KCNC4: variants seen among roughly 807,000 people sequenced by gnomAD.
KCNC4 encodes the protein voltage-gated potassium channel KCNC4.
Under a neutral mutation model 42.8 loss-of-function variants are expected in KCNC4, and 23 were observed. The ratio of observed to expected loss-of-function variants is 0.54; its 90% CI spans 0.39 to 0.76. KCNC4 has a LOEUF of 0.76. KCNC4 is among the 30% of genes least tolerant of loss of function. KCNC4 has a pLI of 0.00. For missense variants in KCNC4, 751 were observed against 898.2 expected (o/e 0.84, Z 2.10); for synonymous variants, 422 against 393.5 (o/e 1.07, Z -0.86).
intron 1 of KCNC4, among the ~76,000 whole-genome samples, chr1:110,275,954 C>CAAAAAAAAAA (rs61372696): frequency 9.4e-6 from 1 of 106,236 alleles, no homozygotes; most frequent in Admixed American, 1.0e-4. Context: ...GACTCCGCCT[C>CAAAAAAAAAA]AAAAAAAAAA....
At chr1:110,265,407 TA>T (rs1159500181) in intron 1 of KCNC4, among the ~76,000 whole-genome samples, 1 of 96,776 alleles carries the variant, frequency 1.0e-5, no homozygotes, top group East Asian at 2.7e-4. Flanking sequence ...TAAAATAAAA[TA>T]AAATAAAATA....
intron 1 of KCNC4, among the ~76,000 whole-genome samples, chr1:110,213,211 G>A (rs866139092): frequency 7.0e-6 from 1 of 143,064 alleles, no homozygotes; most frequent in South Asian, 2.2e-4. Flanking sequence ...CTGAAGGATG[G>A]CTTTAGATTC....
chr1:110,264,908 C>T (rs1659511161), intron 1 of KCNC4, among the ~76,000 whole-genome samples: 1 of 151,956 alleles, frequency 6.6e-6, no homozygotes. Context: ...ACGGTGAAAC[C>T]CCATCTCTAC....
chr1:110,237,638 C>A (rs560423712), downstream of KCNC4: 6 of 152,374 alleles, frequency 3.9e-5, no homozygotes, highest in Admixed American at 3.9e-4. Flanking sequence ...CTAAGACTTT[C>A]TGACTCACGT....
intron 1 of KCNC4, among the ~76,000 whole-genome samples, chr1:110,267,455 G>A (rs554458914): frequency 1.2e-4 from 18 of 152,102 alleles, no homozygotes; most frequent in Admixed American, 1.0e-3. Flanking sequence ...TCTGGAATCC[G>A]TACATTCCAG....
chr1:110,226,275 C>A (rs554169643), intron 3 of KCNC4, 97 bp downstream of exon 3: 3 of 1,002,432 alleles, frequency 3.0e-6, no homozygotes, highest in Non-Finnish European at 4.7e-6. Flanking sequence ...CCCCTGAGAC[C>A]GTGGCCGCCA....
At chr1:110,268,690 G>A (rs1051313059) in intron 1 of KCNC4, among the ~76,000 whole-genome samples, 9 of 149,170 alleles carry the variant, frequency 6.0e-5, no homozygotes, top group Non-Finnish European at 1.0e-4. Context: ...GGCTTGAGAA[G>A]TTTCTCCCGT....
chr1:110,223,252 C>T lies in KCNC4; in HGVS notation c.967C>T (p.Leu323=). The T allele has an allele frequency of 2.5e-6, 4 of 1,614,226 alleles. 1 individual carries two copies. In the South Asian group the frequency reaches 4.4e-5, roughly 18 times the overall value. ...LLNIIDFVAI[L]PFYLEVGLSG... ...CAACATCATCGACTTTGTGGCCATC[C>T]TGCCCTTCTACCTGGAGGTGGGGCT... The change falls in exon 2 of 4, where the codon CTG becomes TTG. Residue 323 remains leucine (L), a synonymous_variant. Transcript: ENST00000438661. The surrounding 1 kb of genome is among the most constrained non-coding windows in gnomAD (Gnocchi z 7.5).
chr1:110,266,144 TAGG>T (rs1191946277), intron 1 of KCNC4, among the ~76,000 whole-genome samples: 1 of 151,976 alleles, frequency 6.6e-6, no homozygotes. Flanking sequence ...GCTCTGGAAA[TAGG>T]GGGAGAAATA....
intron 1 of KCNC4, among the ~76,000 whole-genome samples, chr1:110,218,730 G>A (rs1260894375): frequency 1.3e-5 from 2 of 152,172 alleles, no homozygotes; most frequent in South Asian, 2.1e-4. Context: ...GCAGTCAGTA[G>A]CAGAGCCCAA....
chr1:110,217,183 A>G (rs1657844145), intron 1 of KCNC4, among the ~76,000 whole-genome samples: 1 of 152,118 alleles, frequency 6.6e-6, no homozygotes, highest in African/African-American at 2.4e-5. Flanking sequence ...GTAATACAAG[A>G]CGGATCATGA....
downstream of KCNC4, chr1:110,236,615 T>A (rs1658913498): frequency 6.6e-6 from 1 of 152,222 alleles, no homozygotes; most frequent in Admixed American, 6.5e-5. Flanking sequence ...TTGGGATTCA[T>A]TCATTAATTA....
chr1:110,238,573 G>A (rs1658959062), downstream of KCNC4: 2 of 152,140 alleles, frequency 1.3e-5, no homozygotes, highest in Admixed American at 6.5e-5. Context: ...CAACCTGGGT[G>A]TACAATAGGG....
chr1:110,272,177 G>A (rs1659647649), intron 1 of KCNC4, among the ~76,000 whole-genome samples: 1 of 152,196 alleles, frequency 6.6e-6, no homozygotes, highest in Admixed American at 6.5e-5. Context: ...AGCTACAGCT[G>A]GTTGGACCAG....
chr1:110,216,354 G>A lies in KCNC4; in HGVS notation c.678+4177G>A, dbSNP rs150834421. ...CAGGAGGGCAGTGCCAAGCCTGCCCGGGGCAGCCCCTCCACCTCCTTCCTG... is the reference window on the plus strand; with the variant it reads ...CAGGAGGGCAGTGCCAAGCCTGCCCAGGGCAGCCCCTCCACCTCCTTCCTG... On this transcript the variant is annotated intron_variant, in intron 1 of 3. Transcript: ENST00000438661. 6.5e-3 allele frequency among the ~76,000 whole-genome samples: 992 copies of A among 152,342 alleles called. 9 individuals carry two copies. The highest frequency in any genetic ancestry group is 0.021 in the African/African-American group (892 of 41,590).
Position 110,212,170 on chromosome 1 carries a change from C to T in KCNC4, c.671C>T (p.Ala224Val). The T allele has an allele frequency of 6.7e-7, 1 of 1,494,352 alleles. No homozygotes were observed. The highest frequency in any genetic ancestry group is 1.3e-5 in the South Asian group (1 of 75,214). 92.6% of individuals were successfully genotyped at this position (1,494,352 alleles called of 1,614,324 possible). ...TTCGAGGATCCCTACTCCTCCCGGGCCGCTAGGGTGAGTGGCAGGAGCCCG... is the reference window on the plus strand; with the variant it reads ...TTCGAGGATCCCTACTCCTCCCGGGTCGCTAGGGTGAGTGGCAGGAGCCCG... Reference protein sequence around the residue: ...ALFEDPYSSRAARVVAFASLF... With the variant: ...ALFEDPYSSRVARVVAFASLF... Residue 224 changes from alanine (A) to valine (V), a missense_variant, in exon 1 of 4, where the codon GCC becomes GTC. Ala to Val is a moderately conservative substitution (Grantham distance 64). Transcript: ENST00000438661.
chr1:110,218,426 A>G (rs747881408), intron 1 of KCNC4, among the ~76,000 whole-genome samples: 1 of 152,072 alleles, frequency 6.6e-6, no homozygotes, highest in Non-Finnish European at 1.5e-5. Context: ...TCACCTTGTC[A>G]TTAAGGCCTT....
chr1:110,256,712 T>C (rs1659338473), intron 1 of KCNC4: 1 of 153,440 alleles, frequency 6.5e-6, no homozygotes. Flanking sequence ...AAGTCTGCAG[T>C]GGACGGGAAG....
At chr1:110,280,872 C>T (rs1659807765) in intron 1 of KCNC4, among the ~76,000 whole-genome samples, 1 of 152,306 alleles carries the variant, frequency 6.6e-6, no homozygotes, top group Middle Eastern at 3.4e-3. Flanking sequence ...AGTGGAAATT[C>T]CTGGCCCCAC....
Sources: gnomAD v4.1 joint callset for allele counts (sites outside exome capture counted in the v4.1 genomes callset) on GRCh38, gnomAD v4.1.1 for gene constraint, Gnocchi (gnomAD v3.1) non-coding constraint, MANE v1.5 for transcripts, NCBI Gene and HGNC (gene_info 2026-07-23, HGNC 2026-07-21) for gene names.